Variants in SCN2A observed in about 807,000 individuals in gnomAD.
SCN2A encodes the protein sodium channel protein type 2 subunit alpha.
SCN2A carries 20 observed loss-of-function variants against 188.7 expected under a neutral mutation model. The observed-to-expected ratio is 0.11, with a 90% confidence interval of 0.07 to 0.15. The LOEUF (loss-of-function observed/expected upper bound fraction) is 0.15. Ranked by LOEUF, SCN2A falls within the 10% of genes least tolerant of loss-of-function variation. The pLI is 1.00. For synonymous variants in SCN2A, 804 were observed against 833.1 expected, an observed-to-expected ratio of 0.97 and a Z score of 0.60; for missense variants, 1,278 against 2,445.0, an observed-to-expected ratio of 0.52 and a Z score of 10.07.
intron 1 of SCN2A, among the ~76,000 whole-genome samples, chr2:165,241,449 A>G (rs1458578929): frequency 1.3e-5 from 2 of 152,208 alleles, no homozygotes; most frequent in African/African-American, 2.4e-5. Flanking sequence ...CAACTATAAG[A>G]ATATCATCTC....
At chr2:165,273,238 C>A (rs1695181957) in intron 1 of SCN2A, 1 of 152,066 alleles carries the variant, frequency 6.6e-6, no homozygotes, top group Non-Finnish European at 1.5e-5. Context: ...GAAATTATAA[C>A]TAAGGAATAA....
chr2:165,377,742 A>G, intron 23 of SCN2A, 92 bp downstream of exon 23: 1 of 1,042,720 alleles, frequency 9.6e-7, no homozygotes, highest in South Asian at 1.5e-5. Context: ...AAATAAAATT[A>G]TGTGCTTAAT....
intron 14 of SCN2A, among the ~76,000 whole-genome samples, chr2:165,339,885 C>T (rs1699215039): frequency 6.6e-6 from 1 of 152,126 alleles, no homozygotes; most frequent in Non-Finnish European, 1.5e-5. Context: ...ATTAACCTAC[C>T]TGACTTCAAG....
chr2:165,359,141 G>T (rs1700323671), intron 17 of SCN2A, among the ~76,000 whole-genome samples: 1 of 152,052 alleles, frequency 6.6e-6, no homozygotes, highest in African/African-American at 2.4e-5. Flanking sequence ...TTCCATCACT[G>T]GCTCTCCAGA....
intron 1 of SCN2A, among the ~76,000 whole-genome samples, chr2:165,258,067 G>A (rs1694409660): frequency 6.6e-6 from 1 of 152,044 alleles, no homozygotes; most frequent in Non-Finnish European, 1.5e-5. Flanking sequence ...CTGGATAGTA[G>A]AACTTTGTCA....
In SCN2A at chr2:165,386,737, T is replaced by C. The variant is rs760228082; in HGVS notation, c.4552-9T>C. The C allele has an allele frequency of 3.8e-5, 62 of 1,611,562 alleles. No homozygotes were observed. The highest frequency in any genetic ancestry group is 4.8e-5 in the Non-Finnish European group (57 of 1,178,206). On this transcript the variant is annotated splice_polypyrimidine_tract_variant and intron_variant, in intron 25 of 26. Transcript: ENST00000375437. ...TTCTAATGGAACTTTTACATATTAT[T>C]TGTTCCAGAACAAATTCCAAGGAAT...
At chr2:165,290,867 A>C (rs1325228807) in intron 1 of SCN2A, 2 of 800,414 alleles carry the variant, frequency 2.5e-6, no homozygotes, top group African/African-American at 3.7e-5. Flanking sequence ...GATATTGATA[A>C]TGTTACTTTC....
intron 15 of SCN2A, among the ~76,000 whole-genome samples, chr2:165,343,145 G>C (rs1364263492): frequency 6.6e-6 from 1 of 152,122 alleles, no homozygotes; most frequent in Non-Finnish European, 1.5e-5. Flanking sequence ...CTATTACTTT[G>C]AGTTGGCTCT....
intron 1 of SCN2A, chr2:165,273,792 T>A (rs1695204882): frequency 6.6e-6 from 1 of 152,074 alleles, no homozygotes; most frequent in Non-Finnish European, 1.5e-5. Flanking sequence ...TGGTTGGGAG[T>A]GAGAAAAATA....
rs1702013086 is a variant in SCN2A at position 165,388,879 on chromosome 2, C to T, written c.5073C>T (p.Ile1691=). The T allele has an allele frequency of 5.0e-6, 8 of 1,613,898 alleles. No individual in the cohort carries two copies. The highest frequency in any genetic ancestry group is 1.1e-5 in the South Asian group (1 of 91,074). ...NFAYVKREVG[I]DDMFNFETFG... is the part of the protein sequence containing the mutation. ...CCTATGTTAAGAGGGAAGTTGGGAT[C>T]GATGACATGTTCAACTTTGAGACCT... Residue 1691 remains isoleucine (I), a synonymous_variant, in exon 27 of 27, where the codon ATC becomes ATT. Coordinates refer to ENST00000375437, the MANE Select transcript of SCN2A (RefSeq NM_001040142.2).
chr2:165,321,155 C>G (rs1235308839), intron 11 of SCN2A, among the ~76,000 whole-genome samples: 1 of 152,210 alleles, frequency 6.6e-6, no homozygotes, highest in African/African-American at 2.4e-5. Flanking sequence ...ATCTCTAGGA[C>G]AGGGCCAAAA....
intron 13 of SCN2A, among the ~76,000 whole-genome samples, chr2:165,329,766 A>G (rs3769945): frequency 0.28 from 42,364 of 152,006 alleles, 6,241 homozygotes; most frequent in Middle Eastern, 0.48. Context: ...TTTACCTTCA[A>G]TGTAAATATA....
intron 16 of SCN2A, 103 bp downstream of exon 16, chr2:165,345,014 C>T (rs1390998086): frequency 4.3e-6 from 6 of 1,405,238 alleles, no homozygotes; most frequent in Non-Finnish European, 6.0e-6. Context: ...ATCAAGGCCA[C>T]TTCCTATTGT....
At chr2:165,277,916 T>C (rs1695414636) in intron 1 of SCN2A, among the ~76,000 whole-genome samples, 1 of 152,228 alleles carries the variant, frequency 6.6e-6, no homozygotes, top group African/African-American at 2.4e-5. Context: ...TTGCTTTATG[T>C]ACTGCAAGAG....
intron 16 of SCN2A, among the ~76,000 whole-genome samples, chr2:165,347,084 A>G (rs373283883): frequency 2.0e-5 from 3 of 152,342 alleles, no homozygotes; most frequent in East Asian, 1.9e-4. Flanking sequence ...CAGGAATCCC[A>G]TAACTGGGTA....
At chr2:165,365,571 G>A (rs1048106213) in intron 18 of SCN2A, among the ~76,000 whole-genome samples, 1 of 151,550 alleles carries the variant, frequency 6.6e-6, no homozygotes, top group Admixed American at 6.6e-5. Context: ...CTTTTCTGTG[G>A]CCTTCTAAAA....
At chr2:165,240,601 A>T (rs1413333614) in intron 1 of SCN2A, among the ~76,000 whole-genome samples, 2 of 151,770 alleles carry the variant, frequency 1.3e-5, no homozygotes, top group Non-Finnish European at 2.9e-5. Flanking sequence ...CAAATATTTT[A>T]AAAATAGTTT....
At chr2:165,370,484 A>G in intron 20 of SCN2A, 185 bp downstream of exon 20, 1 of 611,280 alleles carries the variant, frequency 1.6e-6, no homozygotes, top group Non-Finnish European at 2.9e-6. Flanking sequence ...ATACATTCAT[A>G]GATAAAAATC....
intron 1 of SCN2A, among the ~76,000 whole-genome samples, chr2:165,254,178 T>C (rs1694214770): frequency 6.6e-6 from 1 of 151,810 alleles, no homozygotes. Flanking sequence ...ATAAATGTGA[T>C]ATCTGTTAGA....
Sources: allele counts gnomAD v4.1 joint callset (sites outside exome capture counted in the v4.1 genomes callset), GRCh38; gene constraint gnomAD v4.1.1; transcripts MANE v1.5; gene names NCBI Gene and HGNC (gene_info 2026-07-23, HGNC 2026-07-21).